Variants in SLCO2A1 observed in about 807,000 individuals in gnomAD.
SLCO2A1 encodes the protein solute carrier organic anion transporter family member 2A1.
Under a neutral mutation model 71.7 loss-of-function variants are expected in SLCO2A1, and 60 were observed. The observed-to-expected ratio is 0.84, with a 90% CI of 0.68 to 1.04. The LOEUF (loss-of-function observed/expected upper bound fraction) is 1.04, where lower values mean the gene tolerates loss of function less well. Ranked by LOEUF, SLCO2A1 falls within the 50% of genes least tolerant of loss-of-function variation. The pLI is 0.00. For synonymous variants in SLCO2A1, 308 were observed against 326.7 expected, an observed-to-expected ratio of 0.94 and a Z score of 0.62; for missense variants, 745 against 813.4, an observed-to-expected ratio of 0.92 and a Z score of 1.02.
intron 1 of SLCO2A1, among the ~76,000 whole-genome samples, chr3:134,005,727 G>A (rs996774695): frequency 6.6e-6 from 1 of 152,028 alleles, no homozygotes; most frequent in East Asian, 1.9e-4. Flanking sequence ...GTGATCCACC[G>A]GCCTCGGCCT....
At chr3:134,027,296 C>T (rs1295937053) in intron 1 of SLCO2A1, among the ~76,000 whole-genome samples, 1 of 152,200 alleles carries the variant, frequency 6.6e-6, no homozygotes, top group Admixed American at 6.5e-5. Context: ...CCCGGAGCCG[C>T]ACCCTAGCGC....
chr3:133,980,931 G>A (rs1311247679), intron 1 of SLCO2A1, among the ~76,000 whole-genome samples: 2 of 152,236 alleles, frequency 1.3e-5, no homozygotes, highest in Non-Finnish European at 2.9e-5. Context: ...CCAGGTGGTA[G>A]AAGGAAGCCT....
intron 1 of SLCO2A1, among the ~76,000 whole-genome samples, chr3:134,004,368 CTT>C (rs1935164850): frequency 6.6e-6 from 1 of 152,158 alleles, no homozygotes; most frequent in Non-Finnish European, 1.5e-5. Context: ...GAGTTTTGCT[CTT>C]GTCGCCCAGG....
chr3:133,979,814 G>A (rs188820024), intron 1 of SLCO2A1, among the ~76,000 whole-genome samples, 196 bp from the exon 2 acceptor site: 22 of 152,286 alleles, frequency 1.4e-4, no homozygotes, highest in South Asian at 2.1e-4. Flanking sequence ...CACTCCTAAA[G>A]TGCTAGCCAT....
At chr3:133,981,119 T>G (rs2108059180) in intron 1 of SLCO2A1, among the ~76,000 whole-genome samples, 1 of 152,366 alleles carries the variant, frequency 6.6e-6, no homozygotes, top group African/African-American at 2.4e-5. Context: ...ACCCATGCCC[T>G]GTATGCAGTA....
intron 3 of SLCO2A1, among the ~76,000 whole-genome samples, chr3:133,967,065 G>T (rs1011646204): frequency 1.3e-5 from 2 of 152,150 alleles, no homozygotes; most frequent in Non-Finnish European, 2.9e-5. Flanking sequence ...CCTGCTACAG[G>T]TGGGCCCAAG....
intron 1 of SLCO2A1, among the ~76,000 whole-genome samples, chr3:134,025,042 G>A (rs1935672704): frequency 6.6e-6 from 1 of 152,030 alleles, no homozygotes; most frequent in Admixed American, 6.6e-5. Context: ...TGACTCTGAA[G>A]AAGACGACAA....
chr3:134,022,612 TAA>T (rs1935614351), intron 1 of SLCO2A1, among the ~76,000 whole-genome samples: 1 of 152,086 alleles, frequency 6.6e-6, no homozygotes, highest in Non-Finnish European at 1.5e-5. Context: ...TATAAAAGGT[TAA>T]AAAGAGTCTA....
chr3:133,999,538 G>A (rs1411098658), intron 1 of SLCO2A1, among the ~76,000 whole-genome samples: 1 of 152,230 alleles, frequency 6.6e-6, no homozygotes, highest in African/African-American at 2.4e-5. Flanking sequence ...TGAGGCACAT[G>A]CACAAAACAG....
intron 1 of SLCO2A1, among the ~76,000 whole-genome samples, chr3:134,012,307 T>C (rs1382338830): frequency 6.6e-6 from 1 of 152,136 alleles, no homozygotes; most frequent in East Asian, 1.9e-4. Flanking sequence ...AGTAATGGGT[T>C]CTGCTAGCTT....
At chr3:133,972,924 T>C (rs1288383068) in intron 3 of SLCO2A1, among the ~76,000 whole-genome samples, 1 of 152,148 alleles carries the variant, frequency 6.6e-6, no homozygotes, top group Non-Finnish European at 1.5e-5. Context: ...AAGCAATCAA[T>C]GGTGAACAAA....
intron 2 of SLCO2A1, among the ~76,000 whole-genome samples, chr3:133,975,593 C>T (rs976136342): frequency 2.0e-5 from 3 of 152,150 alleles, no homozygotes; most frequent in African/African-American, 4.8e-5. Context: ...CAGAGCCTCC[C>T]GAGTCCTACA....
intron 10 of SLCO2A1, among the ~76,000 whole-genome samples, chr3:133,943,239 T>C (rs4241360): frequency 0.55 from 83,012 of 151,998 alleles, 23,319 homozygotes; most frequent in Middle Eastern, 0.63. Flanking sequence ...TTTGCTGGAG[T>C]TCCCTGCCTG....
intron 1 of SLCO2A1, among the ~76,000 whole-genome samples, chr3:134,010,194 C>T (rs778703962): frequency 1.7e-4 from 26 of 152,148 alleles, no homozygotes; most frequent in Non-Finnish European, 3.2e-4. Context: ...ATTATAATTG[C>T]TGCTAAAAAT....
intron 1 of SLCO2A1, among the ~76,000 whole-genome samples, chr3:133,986,601 G>A (rs1934720073): frequency 6.6e-6 from 1 of 152,212 alleles, no homozygotes; most frequent in Non-Finnish European, 1.5e-5. Flanking sequence ...AACATATAAA[G>A]AGGAAGGAAG....
intron 1 of SLCO2A1, among the ~76,000 whole-genome samples, chr3:134,010,027 C>G (rs1201980343): frequency 1.3e-5 from 2 of 152,116 alleles, no homozygotes; most frequent in African/African-American, 4.8e-5. Context: ...CTACCCTTGT[C>G]CATATTATCT....
intron 9 of SLCO2A1, 23 bp downstream of exon 9, chr3:133,947,233 T>C (rs1477311873): frequency 1.9e-6 from 3 of 1,596,484 alleles, no homozygotes; most frequent in African/African-American, 2.7e-5. Flanking sequence ...AAAGGGGATC[T>C]CTCTACCCCT....
In SLCO2A1 at chr3:133,934,674, G is replaced by A. The variant is rs370243886; in HGVS notation, c.*39C>T. 8 of 1,393,708 alleles carry A rather than the reference G, an allele frequency of 5.7e-6. No homozygotes were observed. Among genetic ancestry groups the A allele is most frequent in the Non-Finnish European group, 8.2e-6 (8 of 980,642 alleles). The allele number at this position is 1,393,708 out of a possible 1,614,324, so 86.3% of individuals were successfully genotyped here. The stretch of plus-strand genomic sequence containing the variant: ...GTATAGGCAGGTGTGGAAGAGTCAA[G>A]GTCCACTCTCTGGAGCAGGGCAGTG... On this transcript the variant is annotated 3_prime_UTR_variant, in exon 14 of 14. Transcript: ENST00000310926.
intron 11 of SLCO2A1, 40 bp downstream of exon 11, chr3:133,942,562 AAGG>A: frequency 1.3e-6 from 2 of 1,556,954 alleles, no homozygotes; most frequent in Admixed American, 1.9e-5. Context: ...AGATGTGGGG[AAGG>A]AGAAGCCACG....
Sources: gnomAD v4.1 joint callset for allele counts (sites outside exome capture counted in the v4.1 genomes callset) on GRCh38, gnomAD v4.1.1 for gene constraint, MANE v1.5 for transcripts, NCBI Gene and HGNC (gene_info 2026-07-23, HGNC 2026-07-21) for gene names.